The following WRNIP1 variants were observed in gnomAD, a reference collection of about 807,000 sequenced individuals.
WRNIP1 encodes the protein WRN helicase interacting protein 1, also known as ATPase WRNIP1.
Under a neutral mutation model 56.1 loss-of-function variants are expected in WRNIP1, and 41 were observed. The observed-to-expected ratio is 0.73, with a 90% CI of 0.57 to 0.95. WRNIP1 has a LOEUF of 0.95. WRNIP1 is among the 40% of genes least tolerant of loss of function. The pLI is 0.00. For missense variants in WRNIP1, 1,170 were observed against 939.4 expected, an observed-to-expected ratio of 1.25 and a Z score of -3.21; for synonymous variants, 547 against 398.1, an observed-to-expected ratio of 1.37 and a Z score of -4.45.
At chr6:2,773,147 T>C in intron 3 of WRNIP1, 1 of 985,440 alleles carries the variant, frequency 1.0e-6, no homozygotes, top group Non-Finnish European at 1.2e-6. Flanking sequence ...CTCATGTAAG[T>C]GATAAATTCC....
chr6:2,777,196 T>C (rs137986861), intron 3 of WRNIP1, among the ~76,000 whole-genome samples: 11 of 152,318 alleles, frequency 7.2e-5, no homozygotes, highest in Admixed American at 3.9e-4. Context: ...TTATAAGAAG[T>C]AAAGGTTTCA....
chr6:2,783,205 C>G (rs891574963), intron 4 of WRNIP1, among the ~76,000 whole-genome samples: 2 of 152,210 alleles, frequency 1.3e-5, no homozygotes, highest in African/African-American at 4.8e-5. Context: ...GCAGCCTCTT[C>G]CCCTGAATAG....
chr6:2,772,389 C>T (rs942862922), intron 3 of WRNIP1, among the ~76,000 whole-genome samples: 4 of 152,184 alleles, frequency 2.6e-5, no homozygotes, highest in African/African-American at 9.7e-5. Flanking sequence ...CCCCCGCTTT[C>T]CTGGGAAGAC....
chr6:2,771,837 A>G (rs1258472789), intron 3 of WRNIP1, among the ~76,000 whole-genome samples: 1 of 152,218 alleles, frequency 6.6e-6, no homozygotes, highest in Non-Finnish European at 1.5e-5. Context: ...ATTGAAAGAA[A>G]AGGGGGGAAA....
chr6:2,786,644 T>C lies in WRNIP1; in HGVS notation c.*1362T>C, dbSNP rs1765721341. ...AGACTCAAAATGCTTTTATTGTACC[T>C]TCAGACGTGTCTGAGGGTTTGGCTA... On this transcript the variant is annotated 3_prime_UTR_variant, in exon 7 of 7. Transcript: ENST00000380773. The C allele has an allele frequency of 1.3e-5, 2 of 152,020 alleles. No individual in the cohort carries two copies. The highest frequency in any genetic ancestry group is 2.9e-5 in the Non-Finnish European group (2 of 68,018). 9.4% of individuals were successfully genotyped at this position (152,020 alleles called of 1,614,324 possible). A position where few individuals can be genotyped will look rare whatever the true frequency, so the allele number is the denominator to read the frequency against.
At chr6:2,772,842 C>CTATA (rs1765338302) in intron 3 of WRNIP1, 1 of 552,916 alleles carries the variant, frequency 1.8e-6, no homozygotes. Flanking sequence ...GTTGACAGCT[C>CTATA]TATATACATC....
At chr6:2,773,127 A>T in intron 3 of WRNIP1, 1 of 985,480 alleles carries the variant, frequency 1.0e-6, no homozygotes, top group Non-Finnish European at 1.2e-6. Flanking sequence ...GTGAGTTGTC[A>T]CACAGTATAC....
At chr6:2,772,453 C>T (rs1263892669) in intron 3 of WRNIP1, among the ~76,000 whole-genome samples, 1 of 152,166 alleles carries the variant, frequency 6.6e-6, no homozygotes, top group African/African-American at 2.4e-5. Flanking sequence ...GCCTGGCACA[C>T]ATTATGTGCT....
At position 2,766,211 on chromosome 6, in the gene WRNIP1, G is replaced by A. The variant is rs1256411544; in HGVS notation, c.589G>A (p.Ala197Thr). 2.0e-6 allele frequency: 3 copies of A among 1,464,924 alleles called. No individual in the cohort carries two copies. Among genetic ancestry groups the A allele is most frequent in the Non-Finnish European group, 1.8e-6 (2 of 1,105,330 alleles). 90.7% of individuals were successfully genotyped at this position (1,464,924 alleles called of 1,614,324 possible). A position where few individuals can be genotyped will look rare whatever the true frequency, so the allele number is the denominator to read the frequency against. Reference protein sequence around the residue: ...GHWDADAAEAATAFGASGGGR... With the variant: ...GHWDADAAEATTAFGASGGGR... ...CTGGGACGCGGACGCTGCCGAAGCC[G>A]CCACCGCCTTCGGGGCCAGTGGCGG... The change falls in exon 1 of 7, where the codon GCC becomes ACC. Residue 197 changes from alanine to threonine, a missense_variant. By Grantham distance (58) the Ala-to-Thr change is moderately conservative. Coordinates refer to ENST00000380773, the MANE Select transcript of WRNIP1 (RefSeq NM_020135.3).
rs1174215594 is a variant in WRNIP1 at position 2,783,428 on chromosome 6, C to T, written c.1509C>T (p.Ile503=). The stretch of plus-strand genomic sequence containing the variant: ...CAGGTGAGGAGCATTACAACTGCAT[C>T]TCCGCCCTGCACAAGTCCATGCGGG... ...DRAGEEHYNC[I]SALHKSMRGS... The change falls in exon 5 of 7, where the codon ATC becomes ATT. Residue 503 remains isoleucine (I), a synonymous_variant. Transcript: ENST00000380773. The T allele has an allele frequency of 1.1e-5, 17 of 1,608,862 alleles. No individual in the cohort carries two copies. The highest frequency in any genetic ancestry group is 1.4e-5 in the Non-Finnish European group (17 of 1,177,016).
Position 2,765,640 on chromosome 6 carries a change from G to C in WRNIP1, c.18G>C (p.Pro6=), listed in dbSNP as rs1014996675. 2.6e-6 allele frequency: 4 copies of C among 1,541,562 alleles called. No homozygotes were observed. In the African/African-American group the frequency reaches 5.7e-5, roughly 22 times the overall value. ...CGGCCGCCATGGAGGTGAGCGGGCC[G>C]GAAGACGACCCCTTCCTTTCGCAGC... The part of the protein sequence containing the change: MEVSG[P]EDDPFLSQLH... The change falls in exon 1 of 7, where the codon CCG becomes CCC. Residue 6 remains proline, a synonymous_variant. Coordinates refer to ENST00000380773, the MANE Select transcript of WRNIP1 (RefSeq NM_020135.3).
At chr6:2,770,393 A>AC in intron 3 of WRNIP1, 32 bp downstream of exon 3, 1 of 1,612,372 alleles carries the variant, frequency 6.2e-7, no homozygotes, top group Non-Finnish European at 8.5e-7. Flanking sequence ...TCCTGGGGGC[A>AC]CACACCTCCC....
intron 3 of WRNIP1, chr6:2,774,094 A>T: frequency 1.0e-6 from 1 of 985,440 alleles, no homozygotes; most frequent in Non-Finnish European, 1.2e-6. Context: ...ACTCCAGAAT[A>T]CAAGGGATTG....
Position 2,766,303 on chromosome 6 carries a change from G to GGCCGACACGATGCGT in WRNIP1, c.682_696dup (p.Ala228_Arg232dup). The GGCCGACACGATGCGT allele has an allele frequency of 6.2e-7, 1 of 1,608,910 alleles. No homozygotes were observed. Among genetic ancestry groups the GGCCGACACGATGCGT allele is most frequent in the Non-Finnish European group, 8.5e-7 (1 of 1,178,374 alleles). ...GACAGATGCTACAGGGCAAGCCGCT[G>GGCCGACACGATGCGT]GCCGACACGATGCGTCCTGACACGC... is the stretch of plus-strand genomic sequence containing the variant. On this transcript the variant is annotated inframe_insertion, in exon 1 of 7. Coordinates refer to ENST00000380773, the MANE Select transcript of WRNIP1 (RefSeq NM_020135.3).
rs751920370 is a variant in WRNIP1 at position 2,784,315 on chromosome 6, G to A, written c.1643-9G>A. ...GACTGAAACTCTCCTTTGTCTCTGT[G>A]TGTGGCAGGTCTGGCAGACCCGTCT... On this transcript the variant is annotated splice_polypyrimidine_tract_variant and intron_variant, in intron 5 of 6. Coordinates refer to ENST00000380773, the MANE Select transcript of WRNIP1 (RefSeq NM_020135.3). 1.9e-6 allele frequency: 3 copies of A among 1,612,534 alleles called. No homozygotes were observed. The African/African-American group carries it at 4.0e-5, about 22-fold the overall frequency.
rs1014763118 is a variant in WRNIP1 at position 2,783,448 on chromosome 6, T to C, written c.1529T>C (p.Met510Thr). 1.2e-6 allele frequency: 2 copies of C among 1,613,422 alleles called. No homozygotes were observed. The highest frequency in any genetic ancestry group is 8.5e-7 in the Non-Finnish European group (1 of 1,179,660). ...TGCATCTCCGCCCTGCACAAGTCCATGCGGGGCTCAGACCAGAACGCCTCC... is the reference window on the plus strand; with the variant it reads ...TGCATCTCCGCCCTGCACAAGTCCACGCGGGGCTCAGACCAGAACGCCTCC... The part of the protein sequence containing the change: ...YNCISALHKS[M>T]RGSDQNASLY... The change falls in exon 5 of 7, where the codon ATG becomes ACG. Residue 510 changes from methionine to threonine, a missense_variant. Met to Thr is a moderately conservative substitution (Grantham distance 81). Coordinates refer to ENST00000380773, the MANE Select transcript of WRNIP1 (RefSeq NM_020135.3).
chr6:2,773,929 G>A (rs749105874), intron 3 of WRNIP1: 81 of 985,176 alleles, frequency 8.2e-5, no homozygotes, highest in Non-Finnish European at 9.2e-5. Context: ...GGGCTGTGGC[G>A]TAACTGGGTG....
rs549189433 is a variant in WRNIP1, at chr6:2,777,399, C to T, written c.1257-1864C>T. ...GTGCAGGATATAGGCTAGTTCAGTC[C>T]GTTAGGATCCAATGGGGCTCCTGCT... On this transcript the variant is annotated intron_variant, in intron 3 of 6. Coordinates refer to ENST00000380773, the MANE Select transcript of WRNIP1 (RefSeq NM_020135.3). 5.3e-5 allele frequency among the ~76,000 whole-genome samples: 8 copies of T among 152,274 alleles called. No individual in the cohort carries two copies. In the South Asian group the frequency reaches 1.0e-3, roughly 20 times the overall value.
Position 2,770,144 on chromosome 6 carries a change from T to C in WRNIP1, c.1039T>C (p.Cys347Arg). Reference sequence around the variant, plus strand: ...GGACACTTTCCTTCCTCACGTGGAATGTGGGACGATCACTCTGATTGGGGC... The same window carrying C: ...GGACACTTTCCTTCCTCACGTGGAACGTGGGACGATCACTCTGATTGGGGC... ...QQDTFLPHVE[C>R]GTITLIGATT... Residue 347 changes from cysteine to arginine, a missense_variant, in exon 3 of 7, where the codon TGT becomes CGT. Cys to Arg is a radical substitution (Grantham distance 180). Coordinates refer to ENST00000380773, the MANE Select transcript of WRNIP1 (RefSeq NM_020135.3). 1.9e-6 allele frequency: 3 copies of C among 1,614,222 alleles called. No homozygotes were observed. The South Asian group carries it at 3.3e-5, about 18-fold the overall frequency.
Sources: allele counts gnomAD v4.1 joint callset (sites outside exome capture counted in the v4.1 genomes callset), GRCh38; gene constraint gnomAD v4.1.1; transcripts MANE v1.5; gene names NCBI Gene and HGNC (gene_info 2026-07-23, HGNC 2026-07-21).